Variants in CNTNAP2 observed in about 807,000 individuals in gnomAD.
CNTNAP2 encodes the protein contactin associated protein 2.
A neutral mutation model predicts 155.2 loss-of-function variants in CNTNAP2; 98 were observed. The ratio of observed to expected loss-of-function variants is 0.63; its 90% CI spans 0.54 to 0.75. CNTNAP2 has a LOEUF of 0.75. Among genes scored for constraint, CNTNAP2 ranks in the 30% least tolerant of loss-of-function variants. The probability of loss-of-function intolerance (pLI) is 0.00; values close to 1 mark genes in which losing one functional copy is unlikely to be tolerated. For missense variants in CNTNAP2, 1,727 were observed against 1,688.1 expected, an observed-to-expected ratio of 1.02 and a Z score of -0.40; for synonymous variants, 651 against 631.2, an observed-to-expected ratio of 1.03 and a Z score of -0.47.
At position 146,467,111 on chromosome 7, in the gene CNTNAP2, G is replaced by C. The variant is rs73462788; in HGVS notation, c.98-307160G>C. Among the ~76,000 whole-genome samples the C allele has an allele frequency of 7.7e-3, 1,179 of 152,130 alleles. 21 individuals are homozygous for C. Among genetic ancestry groups the C allele is most frequent in the African/African-American group, 0.027 (1,126 of 41,530 alleles). ...TATATGAAAGACTTCCATCATTCAA[G>C]TAGCCTAAACTATTTGCAAAGAATT... On this transcript the variant is annotated intron_variant, in intron 1 of 23. Coordinates refer to ENST00000361727, the MANE Select transcript of CNTNAP2 (RefSeq NM_014141.6).
chr7:146,555,780 A>C (rs1027110904), intron 1 of CNTNAP2, among the ~76,000 whole-genome samples: 2 of 152,214 alleles, frequency 1.3e-5, no homozygotes, highest in Non-Finnish European at 2.9e-5. Flanking sequence ...CATCAGAAGG[A>C]CTGAGTACAA....
intron 12 of CNTNAP2, among the ~76,000 whole-genome samples, chr7:147,601,438 A>G (rs1251446787): frequency 6.6e-6 from 1 of 151,954 alleles, no homozygotes; most frequent in East Asian, 1.9e-4. Flanking sequence ...AGCCAGGATG[A>G]GCTAGGAGAA....
intron 13 of CNTNAP2, among the ~76,000 whole-genome samples, chr7:147,712,157 G>T (rs543963006): frequency 6.6e-6 from 1 of 151,908 alleles, no homozygotes; most frequent in Non-Finnish European, 1.5e-5. Context: ...GCTCATCATC[G>T]CTGGCCATCA....
chr7:147,242,358 G>T (rs35690219), intron 8 of CNTNAP2, among the ~76,000 whole-genome samples: 60,369 of 152,002 alleles, frequency 0.4, 12,410 homozygotes, highest in Non-Finnish European at 0.44. Context: ...AAATATCATT[G>T]CTGTAGTCCA....
intron 13 of CNTNAP2, among the ~76,000 whole-genome samples, chr7:147,645,670 G>A (rs965487871): frequency 6.6e-6 from 1 of 152,156 alleles, no homozygotes. Context: ...ACCTCAACTG[G>A]AATAATGAGT....
chr7:148,172,166 A>G (rs955966814), intron 17 of CNTNAP2, 76 bp from the exon 18 acceptor site: 12 of 1,404,480 alleles, frequency 8.5e-6, no homozygotes, highest in Non-Finnish European at 1.2e-5. Flanking sequence ...CTCCTACCAC[A>G]GTTGTTCAAA....
At chr7:146,801,743 G>T (rs931307461) in intron 2 of CNTNAP2, among the ~76,000 whole-genome samples, 1 of 152,098 alleles carries the variant, frequency 6.6e-6, no homozygotes, top group Middle Eastern at 3.2e-3. Flanking sequence ...GATTTCCATT[G>T]TCAATGTGGT....
At chr7:148,135,895 AGGAG>A (rs1256083411) in intron 16 of CNTNAP2, among the ~76,000 whole-genome samples, 1 of 98,934 alleles carries the variant, frequency 1.0e-5, no homozygotes, top group Non-Finnish European at 2.0e-5. Flanking sequence ...TGGGGAAGGA[AGGAG>A]GGAGGGAGGG....
intron 1 of CNTNAP2, among the ~76,000 whole-genome samples, chr7:146,369,320 T>C (rs1795200294): frequency 6.6e-6 from 1 of 152,024 alleles, no homozygotes; most frequent in Non-Finnish European, 1.5e-5. Flanking sequence ...TTATTCTCTT[T>C]TTGATGGACA....
intron 3 of CNTNAP2, among the ~76,000 whole-genome samples, chr7:146,883,758 A>G (rs948970556): frequency 2.0e-5 from 3 of 152,164 alleles, no homozygotes; most frequent in African/African-American, 7.2e-5. Flanking sequence ...CAATTGATCA[A>G]AACACTATTT....
At chr7:147,118,490 A>T (rs1274512912) in intron 5 of CNTNAP2, among the ~76,000 whole-genome samples, 4 of 152,218 alleles carry the variant, frequency 2.6e-5, no homozygotes, top group Non-Finnish European at 4.4e-5. Context: ...TACAAAATGT[A>T]TCAATCTATC....
At chr7:146,208,083 T>C (rs1443877469) in intron 1 of CNTNAP2, among the ~76,000 whole-genome samples, 1 of 152,064 alleles carries the variant, frequency 6.6e-6, no homozygotes, top group Non-Finnish European at 1.5e-5. Context: ...TTTTTTTAGT[T>C]CCTAAAGTAT....
chr7:147,799,577 C>T (rs1797954738), intron 13 of CNTNAP2, among the ~76,000 whole-genome samples: 1 of 151,996 alleles, frequency 6.6e-6, no homozygotes, highest in African/African-American at 2.4e-5. Context: ...TTTTCCTGTT[C>T]AGTAGTTCCA....
At chr7:147,582,083 A>C (rs10237202) in intron 12 of CNTNAP2, among the ~76,000 whole-genome samples, 1 of 151,914 alleles carries the variant, frequency 6.6e-6, no homozygotes. Flanking sequence ...AAGAATTTTC[A>C]TAATAGCCTC....
At chr7:147,412,971 TG>T (rs1797128887) in intron 10 of CNTNAP2, among the ~76,000 whole-genome samples, 1 of 152,230 alleles carries the variant, frequency 6.6e-6, no homozygotes, top group South Asian at 2.1e-4. Flanking sequence ...TGTGGTTAAG[TG>T]TACACATTCC....
At chr7:146,502,359 G>A (rs1272053131) in intron 1 of CNTNAP2, among the ~76,000 whole-genome samples, 1 of 150,588 alleles carries the variant, frequency 6.6e-6, no homozygotes, top group Non-Finnish European at 1.5e-5. Context: ...AGGAGTTCAG[G>A]TATCTCTTTG....
chr7:146,778,467 T>C (rs1341776294), intron 2 of CNTNAP2, among the ~76,000 whole-genome samples: 2 of 152,158 alleles, frequency 1.3e-5, no homozygotes, highest in Non-Finnish European at 2.9e-5. Context: ...TTGTTTTTAG[T>C]TTATTGGTGC....
chr7:147,033,795 G>A (rs1291877926), intron 3 of CNTNAP2, among the ~76,000 whole-genome samples: 2 of 145,224 alleles, frequency 1.4e-5, no homozygotes, highest in Non-Finnish European at 3.0e-5. Flanking sequence ...TGAGTGAAGA[G>A]GGGAAAAAAA....
intron 1 of CNTNAP2, among the ~76,000 whole-genome samples, chr7:146,488,380 A>G (rs909954032): frequency 4.6e-5 from 7 of 150,906 alleles, no homozygotes; most frequent in African/African-American, 1.7e-4. Context: ...GTAGATATTA[A>G]TTATATCAGA....
Sources: allele counts gnomAD v4.1 joint callset (sites outside exome capture counted in the v4.1 genomes callset), GRCh38; gene constraint gnomAD v4.1.1; transcripts MANE v1.5; gene names NCBI Gene and HGNC (gene_info 2026-07-23, HGNC 2026-07-21).